RASSF5: variants seen among roughly 807,000 people sequenced by gnomAD.
RASSF5 encodes ras association domain-containing protein 5.
In RASSF5, 25 loss-of-function variants were observed where a neutral mutation model predicts 40.5. The observed-to-expected ratio is 0.62, with a 90% confidence interval of 0.45 to 0.86. The LOEUF (loss-of-function observed/expected upper bound fraction) is 0.86, where lower values mean the gene tolerates loss of function less well. RASSF5 is among the 40% of genes least tolerant of loss of function. The pLI, the probability that RASSF5 is intolerant of heterozygous loss-of-function variation, is 0.00. For synonymous variants in RASSF5, 246 were observed against 252.4 expected (o/e 0.97, Z 0.24); for missense variants, 521 against 572.8 (o/e 0.91, Z 0.92).
chr1:206,524,099 TATATA>T (rs533561645), intron 1 of RASSF5, among the ~76,000 whole-genome samples: 3,678 of 130,654 alleles, frequency 0.028, 89 homozygotes, highest in Non-Finnish European at 0.032. Context: ...ATGTATACCA[TATATA>T]ATATATTTTA....
intron 5 of RASSF5, chr1:206,586,599 A>T (rs1669122398): frequency 2.0e-6 from 1 of 501,868 alleles, no homozygotes; most frequent in Admixed American, 3.6e-5. Flanking sequence ...CATGGTTCAT[A>T]GACTGGCAAC....
At chr1:206,546,766 C>A (rs1244095771) in intron 2 of RASSF5, among the ~76,000 whole-genome samples, 1 of 152,216 alleles carries the variant, frequency 6.6e-6, no homozygotes, top group Admixed American at 6.5e-5. Flanking sequence ...AATCATCTAA[C>A]ACCAAACCTA....
chr1:206,516,659 G>A (rs976090717), intron 1 of RASSF5, among the ~76,000 whole-genome samples: 4 of 152,208 alleles, frequency 2.6e-5, no homozygotes, highest in African/African-American at 7.2e-5. Flanking sequence ...GGGATTCACC[G>A]TGTTAGCCAG....
chr1:206,529,223 A>G, intron 1 of RASSF5: 1 of 1,386,168 alleles, frequency 7.2e-7, no homozygotes, highest in South Asian at 1.3e-5. Context: ...GACCAGAAAC[A>G]AAGCAAGAGA....
chr1:206,546,416 T>C (rs1667695283), intron 2 of RASSF5, among the ~76,000 whole-genome samples: 1 of 152,106 alleles, frequency 6.6e-6, no homozygotes, highest in South Asian at 2.1e-4. Context: ...CGGCCAGCTA[T>C]TGGTTTTCTA....
intron 2 of RASSF5, among the ~76,000 whole-genome samples, chr1:206,553,058 C>T (rs781918645): frequency 2.0e-5 from 3 of 151,976 alleles, no homozygotes; most frequent in Non-Finnish European, 4.4e-5. Context: ...AAAAATTAGC[C>T]GGGTGTGGTG....
At chr1:206,540,238 G>A (rs551742085) in intron 2 of RASSF5, among the ~76,000 whole-genome samples, 1 of 152,360 alleles carries the variant, frequency 6.6e-6, no homozygotes, top group African/African-American at 2.4e-5. Flanking sequence ...GGGCTAGCCA[G>A]CTCCCAAGTG....
At chr1:206,528,301 A>G (rs1667149256) in intron 1 of RASSF5, among the ~76,000 whole-genome samples, 1 of 152,202 alleles carries the variant, frequency 6.6e-6, no homozygotes, top group Non-Finnish European at 1.5e-5. Flanking sequence ...TGAAAGAGCC[A>G]GTCTGAAAAT....
chr1:206,522,339 A>T (rs1265054526), intron 1 of RASSF5, among the ~76,000 whole-genome samples: 1 of 152,194 alleles, frequency 6.6e-6, no homozygotes, highest in African/African-American at 2.4e-5. Context: ...CTCCCTGTGT[A>T]TCTCTGAGTA....
At chr1:206,520,593 C>A (rs868990777) in intron 1 of RASSF5, among the ~76,000 whole-genome samples, 2 of 134,518 alleles carry the variant, frequency 1.5e-5, no homozygotes, top group Admixed American at 8.3e-5. Context: ...GTTGACAAAG[C>A]AAGACTCCAT....
At position 206,507,582 on chromosome 1, in the gene RASSF5, A is replaced by G; in HGVS notation, c.-21A>G. The G allele has an allele frequency of 6.8e-7, 1 of 1,477,780 alleles. No homozygotes were observed. Among genetic ancestry groups the G allele is most frequent in the Non-Finnish European group, 8.9e-7 (1 of 1,121,136 alleles). The allele number at this position is 1,477,780 out of a possible 1,614,324, so 91.5% of individuals were successfully genotyped here. Reference sequence around the variant, plus strand: ...CAGTCGCCAAAGCCGCCGCTGCCAAAGCTGCCGCCACTAGCCGGGCATGGC... The same window carrying G: ...CAGTCGCCAAAGCCGCCGCTGCCAAGGCTGCCGCCACTAGCCGGGCATGGC... On this transcript the variant is annotated 5_prime_UTR_variant, in exon 1 of 6. Coordinates refer to ENST00000579436, the MANE Select transcript of RASSF5 (RefSeq NM_182663.4).
chr1:206,575,735 A>T (rs1321948780), intron 2 of RASSF5, among the ~76,000 whole-genome samples: 1 of 152,224 alleles, frequency 6.6e-6, no homozygotes, highest in Non-Finnish European at 1.5e-5. Context: ...GTATCACTTC[A>T]TGATTTCACA....
intron 2 of RASSF5, chr1:206,581,065 G>A (rs954229406): frequency 1.3e-5 from 2 of 152,340 alleles, no homozygotes; most frequent in East Asian, 1.9e-4. Flanking sequence ...ATTGAGAAGA[G>A]CATGGGCCTT....
At chr1:206,582,887 AAAG>A (rs1668948641) in intron 2 of RASSF5, among the ~76,000 whole-genome samples, 1 of 152,200 alleles carries the variant, frequency 6.6e-6, no homozygotes, top group Non-Finnish European at 1.5e-5. Context: ...CCATAGCATC[AAAG>A]AAGCATCTTT....
chr1:206,587,250 T>C lies in RASSF5; in HGVS notation c.*272T>C. The C allele has an allele frequency of 2.4e-6, 1 of 412,314 alleles. No homozygotes were observed. Among genetic ancestry groups the C allele is most frequent in the Non-Finnish European group, 4.5e-6 (1 of 220,224 alleles). The allele number at this position is 412,314 out of a possible 1,614,324, so 25.5% of individuals were successfully genotyped here. On this transcript the variant is annotated 3_prime_UTR_variant, in exon 6 of 6. Transcript: ENST00000579436. ...GACGTCCTCTCTCGATCTGCAAGCC[T>C]TTCACCAACCAAATAGTTGCCTCTC...
chr1:206,526,902 CTA>C (rs1558499997), intron 1 of RASSF5, among the ~76,000 whole-genome samples: 1 of 152,170 alleles, frequency 6.6e-6, no homozygotes, highest in Non-Finnish European at 1.5e-5. Flanking sequence ...TATTGAGCAC[CTA>C]CCATATGCCA....
At position 206,513,346 on chromosome 1, in the gene RASSF5, C is replaced by T. The variant is rs1387681779; in HGVS notation, c.457+5287C>T. 2.6e-5 allele frequency among the ~76,000 whole-genome samples: 4 copies of T among 152,208 alleles called. No individual in the cohort carries two copies. Among genetic ancestry groups the T allele is most frequent in the African/African-American group, 9.6e-5 (4 of 41,452 alleles). On this transcript the variant is annotated intron_variant, in intron 1 of 5. Transcript: ENST00000579436. The surrounding 1 kb of genome is among the most constrained non-coding windows in gnomAD (Gnocchi z 5.0). ...GGCCTCACCAGAGGCCCTTCCTGTTCGCATTCCTCAGATGGCAAGGTGAGT... is the reference window on the plus strand; with the variant it reads ...GGCCTCACCAGAGGCCCTTCCTGTTTGCATTCCTCAGATGGCAAGGTGAGT...
intron 1 of RASSF5, 133 bp from the exon 2 acceptor site, chr1:206,538,038 TC>T: frequency 7.8e-7 from 1 of 1,283,750 alleles, no homozygotes; most frequent in South Asian, 1.4e-5. Context: ...TCACGCTGTC[TC>T]CCGCCCCACC....
At chr1:206,558,618 C>G (rs572957096) in intron 2 of RASSF5, among the ~76,000 whole-genome samples, 1 of 152,316 alleles carries the variant, frequency 6.6e-6, no homozygotes, top group South Asian at 2.1e-4. Flanking sequence ...CCAGGCCTGA[C>G]TCTGAGGCCT....
Sources: gnomAD v4.1 joint callset for allele counts (sites outside exome capture counted in the v4.1 genomes callset) on GRCh38, gnomAD v4.1.1 for gene constraint, Gnocchi (gnomAD v3.1) non-coding constraint, MANE v1.5 for transcripts, NCBI Gene and HGNC (gene_info 2026-07-23, HGNC 2026-07-21) for gene names.